FBLIM1: variants seen among roughly 807,000 people sequenced by gnomAD.
The protein encoded by FBLIM1 is filamin binding LIM protein 1, also known as filamin-binding LIM protein 1.
FBLIM1 carries 29 observed loss-of-function variants against 37.4 expected under a neutral mutation model. The ratio of observed to expected loss-of-function variants is 0.77; its 90% CI spans 0.58 to 1.06. FBLIM1 has a LOEUF of 1.06. Among genes scored for constraint, FBLIM1 ranks in the 50% least tolerant of loss-of-function variants. The pLI is 0.00. For missense variants in FBLIM1, 449 were observed against 505.6 expected, an observed-to-expected ratio of 0.89 and a Z score of 1.07; for synonymous variants, 193 against 199.0, an observed-to-expected ratio of 0.97 and a Z score of 0.25.
intron 8 of FBLIM1, among the ~76,000 whole-genome samples, chr1:15,784,331 G>A (rs1339672219): frequency 6.6e-6 from 1 of 152,172 alleles, no homozygotes; most frequent in Non-Finnish European, 1.5e-5. Flanking sequence ...GCGCCTCCAC[G>A]TGGATTAAAG....
At chr1:15,757,344 G>A (rs1047708965), upstream of FBLIM1, among the ~76,000 whole-genome samples, 4 of 152,256 alleles carry the variant, frequency 2.6e-5, no homozygotes, top group African/African-American at 7.2e-5. This position sits in a 1 kb window ranked among gnomAD's most constrained non-coding sequence, Gnocchi z 4.1. Context: ...TGAGCCTCTC[G>A]GGGCCTCAGT....
At chr1:15,766,914 G>T (rs1445684243) in intron 3 of FBLIM1, among the ~76,000 whole-genome samples, 6 of 134,274 alleles carry the variant, frequency 4.5e-5, no homozygotes, top group African/African-American at 2.7e-5. Flanking sequence ...TTTTGAGACA[G>T]GTTCTGGCTC....
intron 8 of FBLIM1, among the ~76,000 whole-genome samples, chr1:15,781,017 C>T (rs939870914): frequency 4.6e-5 from 7 of 152,074 alleles, no homozygotes; most frequent in Admixed American, 3.3e-4. Context: ...TCCTTGATGA[C>T]TTGGCCGAGG....
intron 7 of FBLIM1, among the ~76,000 whole-genome samples, chr1:15,776,206 G>A (rs1030214515): frequency 1.3e-5 from 2 of 150,980 alleles, no homozygotes; most frequent in Non-Finnish European, 3.0e-5. Flanking sequence ...GCAGTGAGCC[G>A]AGATCGCACC....
chr1:15,768,521 C>A lies in FBLIM1; in HGVS notation c.439-7C>A. On this transcript the variant is annotated splice_region_variant and splice_polypyrimidine_tract_variant and intron_variant, in intron 4 of 8. Transcript: ENST00000375766. ...CACTGGATGACTCCCCGTCTGCATC[C>A]CCACAGGCCCCAGCGGAGGGACCTT... 1 of 1,549,414 alleles carries A rather than the reference C, an allele frequency of 6.5e-7. No individual in the cohort carries two copies. Among genetic ancestry groups the A allele is most frequent in the South Asian group, 1.3e-5 (1 of 79,894 alleles).
upstream of FBLIM1, among the ~76,000 whole-genome samples, chr1:15,757,306 G>A (rs914280610): frequency 1.3e-5 from 2 of 152,182 alleles, no homozygotes; most frequent in African/African-American, 4.8e-5. This position sits in a 1 kb window ranked among gnomAD's most constrained non-coding sequence, Gnocchi z 4.1. Flanking sequence ...TTTGAATTTG[G>A]CTCTGCCATT....
rs2069762332 is a variant in FBLIM1 at position 15,786,146 on chromosome 1, C to T, written c.*1485C>T. 1 of 152,276 alleles carries T rather than the reference C, an allele frequency of 6.6e-6. No individual in the cohort carries two copies. The highest frequency in any genetic ancestry group is 1.5e-5 in the Non-Finnish European group (1 of 68,070). The allele number at this position is 152,276 out of a possible 1,614,324, so 9.4% of individuals were successfully genotyped here. ...GTTGTAACCTCTGCGTCCTCAAGAC[C>T]ACACCTGGAAGATTCTTCTTCCCTT... is the stretch of plus-strand genomic sequence containing the variant. On this transcript the variant is annotated 3_prime_UTR_variant, in exon 9 of 9. Coordinates refer to ENST00000375766, the MANE Select transcript of FBLIM1 (RefSeq NM_017556.4).
At chr1:15,779,454 G>A (rs1349672879) in intron 8 of FBLIM1, among the ~76,000 whole-genome samples, 1 of 151,672 alleles carries the variant, frequency 6.6e-6, no homozygotes, top group Non-Finnish European at 1.5e-5. Flanking sequence ...ACAGGCATGT[G>A]CCACCACACC....
intron 8 of FBLIM1, among the ~76,000 whole-genome samples, chr1:15,782,404 T>C (rs1365255729): frequency 7.0e-6 from 1 of 142,412 alleles, no homozygotes; most frequent in South Asian, 2.2e-4. Context: ...TGAGACTCTA[T>C]CTTAAAAAAA....
At chr1:15,784,466 C>A in intron 8 of FBLIM1, 82 bp from the exon 9 acceptor site, 1 of 1,134,312 alleles carries the variant, frequency 8.8e-7, no homozygotes, top group Non-Finnish European at 1.3e-6. Flanking sequence ...TTGGTTTATT[C>A]GGCAGATGCC....
intron 6 of FBLIM1, among the ~76,000 whole-genome samples, chr1:15,771,765 C>T (rs1486042992): frequency 3.3e-5 from 5 of 151,812 alleles, no homozygotes; most frequent in African/African-American, 4.8e-5. Context: ...GGCAAGGTAA[C>T]ATTCGGGGTC....
chr1:15,758,682 C>T (rs1457904865), upstream of FBLIM1: 2 of 151,314 alleles, frequency 1.3e-5, no homozygotes, highest in Non-Finnish European at 3.0e-5. The surrounding 1 kb of genome is among the most constrained non-coding windows in gnomAD (Gnocchi z 6.2). Flanking sequence ...TCCCGCGCCC[C>T]CTCCCCCCGA....
intron 8 of FBLIM1, among the ~76,000 whole-genome samples, chr1:15,780,466 C>G (rs2069607589): frequency 6.6e-6 from 1 of 152,216 alleles, no homozygotes; most frequent in Non-Finnish European, 1.5e-5. Context: ...TCCCAAAGTG[C>G]TGGGTGGCGT....
At position 15,774,709 on chromosome 1, in the gene FBLIM1, C is replaced by G. The variant is rs149873980; in HGVS notation, c.803C>G (p.Thr268Arg). 6.2e-7 allele frequency: 1 copy of G among 1,614,028 alleles called. No individual in the cohort carries two copies. The highest frequency in any genetic ancestry group is 8.5e-7 in the Non-Finnish European group (1 of 1,179,988). ...LGQAFHPSCF[T>R]CVTCARCIGD... Reference sequence around the variant, plus strand: ...CAGGCCTTCCACCCCTCCTGCTTCACGTGTGTGACCTGCGCCCGGTGCATT... The same window carrying G: ...CAGGCCTTCCACCCCTCCTGCTTCAGGTGTGTGACCTGCGCCCGGTGCATT... The change falls in exon 7 of 9, where the codon ACG becomes AGG. Residue 268 changes from threonine (T) to arginine (R), a missense_variant. Physicochemically the swap from Thr to Arg is moderately conservative, Grantham distance 71. Transcript: ENST00000375766.
At position 15,770,583 on chromosome 1, in the gene FBLIM1, C is replaced by T. The variant is rs747423518; in HGVS notation, c.711+5C>T. 6.8e-6 allele frequency: 11 copies of T among 1,612,954 alleles called. No individual in the cohort carries two copies. On this transcript the variant is annotated splice_donor_5th_base_variant and intron_variant, in intron 6 of 8. Transcript: ENST00000375766. Reference sequence around the variant, plus strand: ...CTCTGCGAACCCTGCTACCAGGTAACCCCTGCAGCAGACCTCTGGGTGCCA... The same window carrying T: ...CTCTGCGAACCCTGCTACCAGGTAATCCCTGCAGCAGACCTCTGGGTGCCA...
At chr1:15,767,801 C>T (rs2069000384) in intron 4 of FBLIM1, among the ~76,000 whole-genome samples, 2 of 152,192 alleles carry the variant, frequency 1.3e-5, no homozygotes, top group Admixed American at 1.3e-4. Flanking sequence ...GCACCTGCCG[C>T]AGACACCTCC....
Position 15,784,809 on chromosome 1 carries a change from A to T in FBLIM1, c.*148A>T, listed in dbSNP as rs1331609285. The T allele has an allele frequency of 1.6e-6, 1 of 609,566 alleles. No individual in the cohort carries two copies. Among genetic ancestry groups the T allele is most frequent in the African/African-American group, 1.8e-5 (1 of 54,902 alleles). 37.8% of individuals were successfully genotyped at this position (609,566 alleles called of 1,614,324 possible). Reference sequence around the variant, plus strand: ...AGCCGGCCCAGCCTGTCCAGGATACAGTGGGGCTGAGCACCCCCAGGCCTT... The same window carrying T: ...AGCCGGCCCAGCCTGTCCAGGATACTGTGGGGCTGAGCACCCCCAGGCCTT... On this transcript the variant is annotated 3_prime_UTR_variant, in exon 9 of 9. Transcript: ENST00000375766.
Position 15,765,212 on chromosome 1 carries a change from C to T in FBLIM1, c.229C>T (p.Pro77Ser). The T allele has an allele frequency of 6.2e-7, 1 of 1,613,052 alleles. No individual in the cohort carries two copies. The highest frequency in any genetic ancestry group is 1.7e-5 in the Admixed American group (1 of 59,916). The change falls in exon 3 of 9, where the codon CCT (proline) becomes TCT (serine). Residue 77 changes from proline to serine, a missense_variant. Transcript: ENST00000375766. The surrounding 1 kb of genome is among the most constrained non-coding windows in gnomAD (Gnocchi z 5.9). ...GRAAATVPAA[P>S]MQLFNGGCPP... is the part of the protein sequence containing the mutation. ...AGCTGCAGCCACAGTGCCGGCTGCA[C>T]CTATGCAGCTCTTCAATGGAGGTAA...
chr1:15,768,799 T>G (rs922160152), intron 5 of FBLIM1, among the ~76,000 whole-genome samples, 169 bp downstream of exon 5: 4 of 152,218 alleles, frequency 2.6e-5, no homozygotes, highest in African/African-American at 4.8e-5. Context: ...TGCTTTAGCC[T>G]TTTTCCCTTT....
Sources: gnomAD v4.1 joint callset for allele counts (sites outside exome capture counted in the v4.1 genomes callset) on GRCh38, gnomAD v4.1.1 for gene constraint, Gnocchi (gnomAD v3.1) non-coding constraint, MANE v1.5 for transcripts, NCBI Gene and HGNC (gene_info 2026-07-23, HGNC 2026-07-21) for gene names.